The following FANCA variants were observed in gnomAD, a reference collection of about 807,000 sequenced individuals.
FANCA encodes FA complementation group A.
A neutral mutation model predicts 194.3 loss-of-function variants in FANCA; 236 were observed. The ratio of observed to expected loss-of-function variants is 1.21; its 90% CI spans 1.09 to 1.35. The LOEUF (loss-of-function observed/expected upper bound fraction) is 1.35. Ranked by LOEUF, FANCA falls within the 40% of genes most tolerant of loss-of-function variation. The probability of loss-of-function intolerance (pLI) is 0.00; values close to 1 mark genes in which losing one functional copy is unlikely to be tolerated. For missense variants in FANCA, 2,628 were observed against 1,813.9 expected (o/e 1.45, Z -8.15); for synonymous variants, 1,014 against 715.8 (o/e 1.42, Z -6.65).
At chr16:89,751,091 C>T (rs2143152961) in intron 31 of FANCA, among the ~76,000 whole-genome samples, 1 of 152,202 alleles carries the variant, frequency 6.6e-6, no homozygotes, top group East Asian at 1.9e-4. Flanking sequence ...TGGGGTTTCA[C>T]CATGTTGGCC....
rs145459403 is a variant in FANCA at position 89,778,969 on chromosome 16, G to C, written c.1750C>G (p.Leu584Val). The C allele has an allele frequency of 1.9e-5, 31 of 1,614,090 alleles. No homozygotes were observed. The highest frequency in any genetic ancestry group is 2.5e-5 in the Non-Finnish European group (29 of 1,180,032). Reference protein sequence around the residue: ...FRRPYYVSHFLPALLTPRVLP... With the variant: ...FRRPYYVSHFVPALLTPRVLP... ...ACTCGAGGTGTGAGCAGGGCGGGGA[G>C]GAAGTGGGACACGTAGTAAGGCCTC... The change falls in exon 19 of 43, where the codon CTC becomes GTC. Residue 584 changes from leucine (L) to valine (V), a missense_variant. Leu to Val is a conservative substitution (Grantham distance 32). Coordinates refer to ENST00000389301, the MANE Select transcript of FANCA (RefSeq NM_000135.4).
In FANCA at chr16:89,769,947, G is replaced by A. The variant is rs765883419; in HGVS notation, c.2394C>T (p.Leu798=). The part of the protein sequence containing the change: ...AVHLGESRSA[L]PEVDVGPPAP... ...CAGGAGGACCCACATCCACCTCTGGGAGCGCAGACCTGGACTCACCCAGGT... is the reference window on the plus strand; with the variant it reads ...CAGGAGGACCCACATCCACCTCTGGAAGCGCAGACCTGGACTCACCCAGGT... The change falls in exon 26 of 43, where the codon CTC becomes CTT. Residue 798 remains leucine (L), a synonymous_variant. Transcript: ENST00000389301. 9.3e-6 allele frequency: 15 copies of A among 1,613,968 alleles called. No homozygotes were observed. Among genetic ancestry groups the A allele is most frequent in the Non-Finnish European group, 1.2e-5 (14 of 1,180,038 alleles).
rs2039486317 is a variant in FANCA at position 89,775,948 on chromosome 16, C to T, written c.1827-133G>A. On this transcript the variant is annotated intron_variant, in intron 20 of 42. Coordinates refer to ENST00000389301, the MANE Select transcript of FANCA (RefSeq NM_000135.4). The stretch of plus-strand genomic sequence containing the variant: ...TTATAAATACTGTGTACAGTATGAG[C>T]CTGTTTTTACAAAAAAATATTAAAA... The T allele has an allele frequency of 2.7e-5, 12 of 446,498 alleles. No homozygotes were observed. In the South Asian group the frequency reaches 3.6e-4, roughly 13 times the overall value. 27.7% of individuals were successfully genotyped at this position (446,498 alleles called of 1,614,324 possible). A position where few individuals can be genotyped will look rare whatever the true frequency, so the allele number is the denominator to read the frequency against.
At position 89,770,186 on chromosome 16, in the gene FANCA, A is replaced by G. The variant is rs773251406; in HGVS notation, c.2296T>C (p.Cys766Arg). The G allele has an allele frequency of 6.3e-7, 1 of 1,592,846 alleles. No individual in the cohort carries two copies. The highest frequency in any genetic ancestry group is 8.5e-7 in the Non-Finnish European group (1 of 1,170,242). The change falls in exon 25 of 43, where the codon TGC becomes CGC. Residue 766 changes from cysteine to arginine, a missense_variant. By Grantham distance (180) the Cys-to-Arg change is radical (BLOSUM62 -3). Transcript: ENST00000389301. ...RVLPAVLTRL[C>R]QLLRHQGPSL... is the part of the protein sequence containing the mutation. Reference sequence around the variant, plus strand: ...CTCACCTGGTGACGGAGCAGCTGGCAGAGCCGGGTGAGCACTGCAGGGAGC... The same window carrying G: ...CTCACCTGGTGACGGAGCAGCTGGCGGAGCCGGGTGAGCACTGCAGGGAGC...
intron 34 of FANCA, 27 bp from the exon 35 acceptor site, chr16:89,746,715 C>CAGCGCTT (rs1454068828): frequency 5.6e-6 from 9 of 1,611,318 alleles, no homozygotes; most frequent in Non-Finnish European, 7.6e-6. Context: ...AGCAGGAGGT[C>CAGCGCTT]AGCGGTTTGT....
intron 30 of FANCA, among the ~76,000 whole-genome samples, chr16:89,753,296 A>C (rs1055135618): frequency 4.6e-5 from 7 of 152,222 alleles, no homozygotes; most frequent in African/African-American, 1.7e-4. Flanking sequence ...GTAACAGCGC[A>C]GCCCGACACT....
At chr16:89,769,757 C>T (rs1480688578) in intron 26 of FANCA, 80 bp downstream of exon 26, 11 of 1,513,566 alleles carry the variant, frequency 7.3e-6, no homozygotes, top group African/African-American at 1.4e-5. Context: ...GCATGTCTGT[C>T]TCTTCTAATT....
chr16:89,777,195 C>T (rs558728338), intron 20 of FANCA, among the ~76,000 whole-genome samples: 2 of 148,840 alleles, frequency 1.3e-5, no homozygotes, highest in African/African-American at 5.0e-5. Flanking sequence ...ACTTGGGAGG[C>T]GGAGGGGGAA....
rs746282886 is a variant in FANCA at position 89,791,400 on chromosome 16, T to C, written c.1359+3A>G. On this transcript the variant is annotated splice_donor_region_variant and intron_variant, in intron 14 of 42. Coordinates refer to ENST00000389301, the MANE Select transcript of FANCA (RefSeq NM_000135.4). Reference sequence around the variant, plus strand: ...TTAGGTAGCCGATTGGCAGGTCACTTACCTTGAACCAGTCTGCATATGACA... The same window carrying C: ...TTAGGTAGCCGATTGGCAGGTCACTCACCTTGAACCAGTCTGCATATGACA... 54 of 1,613,694 alleles carry C rather than the reference T, an allele frequency of 3.3e-5. No individual in the cohort carries two copies. Among genetic ancestry groups the C allele is most frequent in the Non-Finnish European group, 4.2e-5 (50 of 1,179,888 alleles).
At position 89,810,754 on chromosome 16, in the gene FANCA, T is replaced by C. The variant is rs770716257; in HGVS notation, c.475A>G (p.Ser159Gly). The C allele has an allele frequency of 1.5e-5, 25 of 1,613,448 alleles. No homozygotes were observed. The highest frequency in any genetic ancestry group is 8.3e-5 in the Admixed American group (5 of 60,000). ...LEFAQYLLAHSMFSRLSFCQE... is the reference protein window; with the variant it reads ...LEFAQYLLAHGMFSRLSFCQE... Reference sequence around the variant, plus strand: ...CAGAAGGAAAGACGGGAGAACATACTGTGTGCCAATAAATACTGAGCAAAC... The same window carrying C: ...CAGAAGGAAAGACGGGAGAACATACCGTGTGCCAATAAATACTGAGCAAAC... The change falls in exon 5 of 43, where the codon AGT (serine) becomes GGT (glycine). Residue 159 changes from serine (S) to glycine (G), a missense_variant. Transcript: ENST00000389301.
At position 89,803,302 on chromosome 16, in the gene FANCA, T is replaced by A. The variant is rs771955526; in HGVS notation, c.749A>T (p.Asn250Ile). 1 of 1,614,072 alleles carries A rather than the reference T, an allele frequency of 6.2e-7. No homozygotes were observed. The highest frequency in any genetic ancestry group is 8.5e-7 in the Non-Finnish European group (1 of 1,180,006). ...CTCCACAGTTCTTCTCAGATCTGAG[T>A]TTTTCTGAAATCCCCTCAAAACAAA... ...QMFVLRGFQK[N>I]SDLRRTVEPE... The change falls in exon 8 of 43, where the codon AAC becomes ATC. Residue 250 changes from asparagine (N) to isoleucine (I), a missense_variant. Coordinates refer to ENST00000389301, the MANE Select transcript of FANCA (RefSeq NM_000135.4).
rs142919010 is a variant in FANCA at position 89,740,078 on chromosome 16, C to T, written c.3850G>A (p.Ala1284Thr). Residue 1284 changes from alanine (A) to threonine (T), a missense_variant, in exon 39 of 43, where the codon GCT (alanine) becomes ACT (threonine). Coordinates refer to ENST00000389301, the MANE Select transcript of FANCA (RefSeq NM_000135.4). Reference sequence around the variant, plus strand: ...AGGATTGCTGCACAAACGTGGAAAGCCTTTGGCAGGTCTGTGGTGCTCTGT... The same window carrying T: ...AGGATTGCTGCACAAACGTGGAAAGTCTTTGGCAGGTCTGTGGTGCTCTGT... Reference protein sequence around the residue: ...TSNSTTDLPKAFHVCAAILEC... With the variant: ...TSNSTTDLPKTFHVCAAILEC... 82 of 1,614,154 alleles carry T rather than the reference C, an allele frequency of 5.1e-5. No individual in the cohort carries two copies. The African/African-American group carries it at 9.1e-4, about 18-fold the overall frequency.
chr16:89,813,490 T>A (rs565767231), intron 3 of FANCA, among the ~76,000 whole-genome samples: 1 of 151,718 alleles, frequency 6.6e-6, no homozygotes, highest in East Asian at 1.9e-4. Flanking sequence ...TGGAGTGCAA[T>A]GGAGGGGTCT....
chr16:89,748,420 T>C (rs1447186546), intron 33 of FANCA, among the ~76,000 whole-genome samples: 10 of 152,206 alleles, frequency 6.6e-5, no homozygotes, highest in Non-Finnish European at 1.3e-4. Flanking sequence ...TGAGGGAAAC[T>C]AAAGGAACTC....
intron 22 of FANCA, among the ~76,000 whole-genome samples, chr16:89,772,977 A>C (rs2039375482): frequency 6.6e-6 from 1 of 152,144 alleles, no homozygotes; most frequent in African/African-American, 2.4e-5. Flanking sequence ...GATGAGCGGG[A>C]AAACAGGCAT....
intron 28 of FANCA, among the ~76,000 whole-genome samples, chr16:89,763,939 CAACAACAACAAAA>C (rs2039039929): frequency 7.3e-6 from 1 of 136,888 alleles, no homozygotes. Flanking sequence ...AACAAAACAA[CAACAACAACAAAA>C]AACAAGTTCT....
At chr16:89,754,644 C>T (rs1036002656) in intron 30 of FANCA, among the ~76,000 whole-genome samples, 7 of 152,260 alleles carry the variant, frequency 4.6e-5, no homozygotes, top group African/African-American at 1.7e-4. Context: ...GCTGGGATTA[C>T]AGGCATGAGC....
intron 11 of FANCA, 57 bp downstream of exon 11, chr16:89,795,849 A>T: frequency 7.8e-7 from 1 of 1,285,548 alleles, no homozygotes; most frequent in Non-Finnish European, 1.1e-6. Context: ...CAAGGCAACA[A>T]GGCAACAGCA....
intron 25 of FANCA, 33 bp downstream of exon 25, chr16:89,770,133 C>A: frequency 6.4e-7 from 1 of 1,569,850 alleles, no homozygotes; most frequent in East Asian, 2.3e-5. Context: ...AGAGTGGGCC[C>A]CCAAGGGTGG....
Sources: allele counts gnomAD v4.1 joint callset (sites outside exome capture counted in the v4.1 genomes callset), GRCh38; gene constraint gnomAD v4.1.1; transcripts MANE v1.5; gene names NCBI Gene and HGNC (gene_info 2026-07-23, HGNC 2026-07-21).